Variants in DOK6 observed in about 807,000 individuals in gnomAD.
DOK6 encodes the protein docking protein 6, also known as downstream of tyrosine kinase 6.
Under a neutral mutation model 44.0 loss-of-function variants are expected in DOK6, and 22 were observed. That is an observed-to-expected ratio of 0.50 (90% CI 0.36 to 0.71). DOK6 has a LOEUF of 0.71. Among genes scored for constraint, DOK6 ranks in the 30% least tolerant of loss-of-function variants. The probability of loss-of-function intolerance (pLI) is 0.00; values close to 1 mark genes in which losing one functional copy is unlikely to be tolerated. For missense variants in DOK6, 340 were observed against 416.4 expected, an observed-to-expected ratio of 0.82 and a Z score of 1.60; for synonymous variants, 166 against 145.5, an observed-to-expected ratio of 1.14 and a Z score of -1.01.
chr18:69,670,471 T>C (rs768980316), intron 3 of DOK6, among the ~76,000 whole-genome samples: 1 of 151,698 alleles, frequency 6.6e-6, no homozygotes, highest in African/African-American at 2.4e-5. Flanking sequence ...GTCTGCTTGA[T>C]TATTGTATTC....
At chr18:69,821,706 T>C (rs1423072570) in intron 7 of DOK6, among the ~76,000 whole-genome samples, 1 of 152,044 alleles carries the variant, frequency 6.6e-6, no homozygotes, top group East Asian at 1.9e-4. Flanking sequence ...TTTGTGTCGG[T>C]CCTAAAATAA....
intron 1 of DOK6, among the ~76,000 whole-genome samples, chr18:69,454,458 G>A (rs1979563233): frequency 1.6e-5 from 1 of 61,976 alleles, no homozygotes; most frequent in Non-Finnish European, 3.3e-5. Flanking sequence ...TACACTGTTG[G>A]TGGGACTGTA....
At chr18:69,836,412 T>C (rs1982055093) in intron 7 of DOK6, among the ~76,000 whole-genome samples, 1 of 152,180 alleles carries the variant, frequency 6.6e-6, no homozygotes, top group Non-Finnish European at 1.5e-5. Context: ...ATACATACCT[T>C]AGTGAGAAGC....
chr18:69,480,016 C>T (rs924174323), intron 1 of DOK6, among the ~76,000 whole-genome samples: 12 of 152,054 alleles, frequency 7.9e-5, no homozygotes, highest in Non-Finnish European at 1.5e-5. Context: ...TTTATTTCTC[C>T]AGCTTCTAAA....
intron 1 of DOK6, among the ~76,000 whole-genome samples, chr18:69,433,807 A>G (rs1255574146): frequency 1.3e-5 from 2 of 152,228 alleles, no homozygotes; most frequent in Non-Finnish European, 2.9e-5. Context: ...CATGAAGTTC[A>G]ATAGAGAGCA....
chr18:69,488,529 A>G (rs1463511103), intron 1 of DOK6, among the ~76,000 whole-genome samples: 1 of 152,164 alleles, frequency 6.6e-6, no homozygotes, highest in East Asian at 1.9e-4. Context: ...ATAAAGAAAA[A>G]GAGGGCCAAT....
chr18:69,569,832 T>C lies in DOK6; in HGVS notation c.174+5238T>C, dbSNP rs201160854. On this transcript the variant is annotated intron_variant, in intron 2 of 7. Coordinates refer to ENST00000382713, the MANE Select transcript of DOK6 (RefSeq NM_152721.6). ...CCAACCTAAGAAAATGTTGTACGTA[T>C]ACACCATATGGTACATATGGATACT... Among the ~76,000 whole-genome samples the C allele has an allele frequency of 1.2e-4, 18 of 152,094 alleles. No homozygotes were observed. The East Asian group carries it at 3.5e-3, about 29-fold the overall frequency.
chr18:69,821,791 T>TTG (rs531087293), intron 7 of DOK6, among the ~76,000 whole-genome samples: 1 of 133,600 alleles, frequency 7.5e-6, no homozygotes, highest in Non-Finnish European at 1.6e-5. Flanking sequence ...TGCTATTGTT[T>TTG]TTTTTTTTAA....
rs1244609054 is a variant in DOK6 at position 69,464,882 on chromosome 18, T to G, written c.66+63572T>G. The stretch of plus-strand genomic sequence containing the variant: ...AACAACAATAAAGACAAAACCTCTA[T>G]TTTAAAATTTCAGATCACACTTTTC... On this transcript the variant is annotated intron_variant, in intron 1 of 7. Transcript: ENST00000382713. 2.0e-5 allele frequency among the ~76,000 whole-genome samples: 3 copies of G among 152,324 alleles called. No individual in the cohort carries two copies. In the East Asian group the frequency reaches 5.8e-4, roughly 29 times the overall value.
Position 69,401,052 on chromosome 18 carries a change from C to A in DOK6, c.-193C>A. 1 of 250,828 alleles carries A rather than the reference C, an allele frequency of 4.0e-6. No homozygotes were observed. Among genetic ancestry groups the A allele is most frequent in the Non-Finnish European group, 6.9e-6 (1 of 145,432 alleles). 15.5% of individuals were successfully genotyped at this position (250,828 alleles called of 1,614,324 possible). The stretch of plus-strand genomic sequence containing the variant: ...GCTGGCGCGGCTCGCGGCGCCGGGC[C>A]CCGTTCCCCGTCCGCGGCGGCCCTG... On this transcript the variant is annotated 5_prime_UTR_variant, in exon 1 of 8. Coordinates refer to ENST00000382713, the MANE Select transcript of DOK6 (RefSeq NM_152721.6).
chr18:69,561,508 A>G (rs1824332988), intron 1 of DOK6, among the ~76,000 whole-genome samples: 1 of 152,108 alleles, frequency 6.6e-6, no homozygotes, highest in African/African-American at 2.4e-5. Context: ...GGGAGTGTGG[A>G]TAAGTAAGGG....
At chr18:69,684,607 A>G (rs1325511911) in intron 4 of DOK6, among the ~76,000 whole-genome samples, 1 of 152,200 alleles carries the variant, frequency 6.6e-6, no homozygotes, top group East Asian at 1.9e-4. Context: ...GTTTTATGGA[A>G]AATAAGAAAT....
intron 6 of DOK6, among the ~76,000 whole-genome samples, chr18:69,740,022 T>C (rs754044673): frequency 7.2e-5 from 11 of 152,230 alleles, no homozygotes; most frequent in Non-Finnish European, 1.5e-4. Context: ...TGATCATATT[T>C]TACTCTTAAT....
At chr18:69,813,650 G>A (rs1283079691) in intron 7 of DOK6, among the ~76,000 whole-genome samples, 3 of 152,078 alleles carry the variant, frequency 2.0e-5, no homozygotes, top group African/African-American at 4.8e-5. Flanking sequence ...TTAAGTGATG[G>A]GATAGGGGAA....
At chr18:69,749,714 G>T (rs550281336) in intron 6 of DOK6, among the ~76,000 whole-genome samples, 232 of 152,204 alleles carry the variant, frequency 1.5e-3, no homozygotes, top group Admixed American at 2.7e-3. Flanking sequence ...GCCGAGGCAG[G>T]TAGATCATGA....
At chr18:69,730,876 G>A (rs1032898167) in intron 5 of DOK6, among the ~76,000 whole-genome samples, 10 of 152,102 alleles carry the variant, frequency 6.6e-5, no homozygotes, top group Admixed American at 1.3e-4. Flanking sequence ...GGAGGTGAGA[G>A]AATCTCCTGA....
intron 1 of DOK6, among the ~76,000 whole-genome samples, chr18:69,447,840 C>T (rs1176429794): frequency 1.3e-5 from 2 of 152,212 alleles, no homozygotes; most frequent in Non-Finnish European, 2.9e-5. Flanking sequence ...TTCCTAACCT[C>T]TTCTTCCCTG....
intron 4 of DOK6, among the ~76,000 whole-genome samples, chr18:69,687,160 A>G (rs769562755): frequency 9.9e-5 from 15 of 152,166 alleles, no homozygotes; most frequent in Non-Finnish European, 2.1e-4. Context: ...TAAGCCTAAA[A>G]TTACTTTTAA....
At chr18:69,522,042 A>G (rs2144565305) in intron 1 of DOK6, among the ~76,000 whole-genome samples, 1 of 152,182 alleles carries the variant, frequency 6.6e-6, no homozygotes, top group East Asian at 1.9e-4. Flanking sequence ...TCTTTACTAA[A>G]TAACTAAAAG....
Sources: allele counts gnomAD v4.1 joint callset (sites outside exome capture counted in the v4.1 genomes callset), GRCh38; gene constraint gnomAD v4.1.1; transcripts MANE v1.5; gene names NCBI Gene and HGNC (gene_info 2026-07-23, HGNC 2026-07-21).